The following ADK variants were observed in gnomAD, a reference collection of about 807,000 sequenced individuals.
ADK encodes the protein N6,N6-dimethyladenosine kinase.
A neutral mutation model predicts 44.7 loss-of-function variants in ADK; 24 were observed. That is an observed-to-expected ratio of 0.54 (90% confidence interval 0.39 to 0.76). The LOEUF (loss-of-function observed/expected upper bound fraction) is 0.76. Among genes scored for constraint, ADK ranks in the 30% least tolerant of loss-of-function variants. The pLI is 0.00. For missense variants in ADK, 321 were observed against 425.1 expected (o/e 0.76, Z 2.15); for synonymous variants, 128 against 142.6 (o/e 0.90, Z 0.73).
intron 10 of ADK, among the ~76,000 whole-genome samples, chr10:74,684,764 CCT>C (rs1223283556): frequency 3.9e-5 from 6 of 152,002 alleles, no homozygotes; most frequent in Admixed American, 6.6e-5. Context: ...AAAACAAAGC[CCT>C]GTTTCAAAAA....
At chr10:74,699,629 A>G (rs1014277991) in intron 10 of ADK, among the ~76,000 whole-genome samples, 3 of 152,214 alleles carry the variant, frequency 2.0e-5, no homozygotes, top group Non-Finnish European at 4.4e-5. Context: ...GTGAGCCAAG[A>G]TCACACCAGT....
intron 4 of ADK, among the ~76,000 whole-genome samples, chr10:74,381,124 G>A (rs1842965489): frequency 6.6e-6 from 1 of 151,896 alleles, no homozygotes. Context: ...TCTTTGTCAA[G>A]TTAAAAAAAA....
At chr10:74,218,967 G>A (rs2132222950) in intron 2 of ADK, among the ~76,000 whole-genome samples, 1 of 152,016 alleles carries the variant, frequency 6.6e-6, no homozygotes, top group Admixed American at 6.6e-5. Context: ...CAACTAACGA[G>A]CAAAATAACC....
intron 4 of ADK, among the ~76,000 whole-genome samples, chr10:74,368,413 T>G (rs1305272117): frequency 6.6e-6 from 1 of 152,150 alleles, no homozygotes; most frequent in East Asian, 1.9e-4. Flanking sequence ...CCAGCTATAG[T>G]TAACCTTTTG....
chr10:74,164,409 G>A (rs919101007), intron 1 of ADK, among the ~76,000 whole-genome samples: 18 of 152,080 alleles, frequency 1.2e-4, no homozygotes, highest in Non-Finnish European at 1.8e-4. Flanking sequence ...GGTGGTGGGC[G>A]CCTGTAATCC....
intron 1 of ADK, among the ~76,000 whole-genome samples, chr10:74,198,578 G>A (rs1022967935): frequency 4.6e-5 from 7 of 152,160 alleles, no homozygotes; most frequent in Admixed American, 2.6e-4. Context: ...TGAAAGGGAG[G>A]GGGAATCATC....
intron 7 of ADK, among the ~76,000 whole-genome samples, chr10:74,547,480 TATTA>T (rs1234869945): frequency 4.2e-5 from 5 of 119,744 alleles, no homozygotes; most frequent in African/African-American, 1.4e-4. Flanking sequence ...ATTTTTATTT[TATTA>T]TTTTTTTTTT....
At chr10:74,414,852 AG>A (rs1844314559) in intron 6 of ADK, among the ~76,000 whole-genome samples, 2 of 152,366 alleles carry the variant, frequency 1.3e-5, no homozygotes, top group Non-Finnish European at 2.9e-5. Flanking sequence ...TTATACAGAA[AG>A]ACTTTCTCCA....
intron 9 of ADK, among the ~76,000 whole-genome samples, chr10:74,634,460 C>T (rs1031185056): frequency 4.6e-5 from 7 of 152,138 alleles, no homozygotes; most frequent in African/African-American, 1.4e-4. Flanking sequence ...CCTCGGGATC[C>T]GCCCGGCCTC....
chr10:74,545,401 C>T (rs1427254267), intron 7 of ADK, among the ~76,000 whole-genome samples: 6 of 152,138 alleles, frequency 3.9e-5, no homozygotes, highest in Non-Finnish European at 8.8e-5. Flanking sequence ...TACCCTTATA[C>T]TAATTTAACA....
chr10:74,586,854 C>CAAAAAAAAAAAAAAAAAAAAA (rs35038709), intron 7 of ADK, among the ~76,000 whole-genome samples: 1 of 106,500 alleles, frequency 9.4e-6, no homozygotes. Context: ...AGCTCTGTCT[C>CAAAAAAAAAAAAAAAAAAAAA]AAAAAAAAAA....
intron 10 of ADK, among the ~76,000 whole-genome samples, chr10:74,695,878 G>A (rs1379619740): frequency 1.3e-5 from 2 of 151,808 alleles, no homozygotes; most frequent in African/African-American, 2.4e-5. Flanking sequence ...GGGCTTAAGC[G>A]ACCTGCCCAC....
rs180741103 is a variant in ADK at position 74,311,907 on chromosome 10, C to T, written c.195-2760C>T. On this transcript the variant is annotated intron_variant, in intron 3 of 10. Coordinates refer to ENST00000539909, the MANE Select transcript of ADK (RefSeq NM_006721.4). ...GTTGGGCTGGGCATGGTGGCTCACA[C>T]CTGTAATACCAGCACTTTGGGAGTC... is the stretch of plus-strand genomic sequence containing the variant. Among the ~76,000 whole-genome samples the T allele has an allele frequency of 3.7e-3, 556 of 152,272 alleles. 3 individuals are homozygous for T. The highest frequency in any genetic ancestry group is 7.5e-3 in the Admixed American group (114 of 15,296).
rs61859833 is a variant in ADK, at chr10:74,599,352, G to A, written c.763-1027G>A. On this transcript the variant is annotated intron_variant, in intron 8 of 10. Transcript: ENST00000539909. Reference sequence around the variant, plus strand: ...CCCTTTAAAAATGCCAGTTTCTGGTGACGTTTGTAACGATTGCAAACCATT... The same window carrying A: ...CCCTTTAAAAATGCCAGTTTCTGGTAACGTTTGTAACGATTGCAAACCATT... Among the ~76,000 whole-genome samples, 991 of 152,310 alleles carry A rather than the reference G, an allele frequency of 6.5e-3. 5 individuals carry two copies. Among genetic ancestry groups the A allele is most frequent in the African/African-American group, 0.014 (576 of 41,572 alleles).
intron 3 of ADK, among the ~76,000 whole-genome samples, chr10:74,243,323 C>T (rs1281157348): frequency 6.6e-6 from 1 of 152,166 alleles, no homozygotes; most frequent in Non-Finnish European, 1.5e-5. Flanking sequence ...AGCGCTGTGG[C>T]GTGAGTAAAC....
At chr10:74,638,330 A>G (rs1000356047) in intron 9 of ADK, among the ~76,000 whole-genome samples, 1 of 152,212 alleles carries the variant, frequency 6.6e-6, no homozygotes. Flanking sequence ...AGAAAGATCA[A>G]TATCTTACAT....
At chr10:74,645,069 C>T (rs940713866) in intron 9 of ADK, among the ~76,000 whole-genome samples, 2 of 152,152 alleles carry the variant, frequency 1.3e-5, no homozygotes, top group Non-Finnish European at 2.9e-5. Context: ...TTTTCTGTAT[C>T]AGCTTGTCTA....
intron 1 of ADK, among the ~76,000 whole-genome samples, chr10:74,185,790 T>G (rs1385363391): frequency 1.5e-5 from 2 of 134,604 alleles, no homozygotes; most frequent in Non-Finnish European, 3.1e-5. Flanking sequence ...TGAGCCGAGA[T>G]CGTGCCAGTG....
chr10:74,609,885 G>A (rs1589294895), intron 9 of ADK, among the ~76,000 whole-genome samples: 1 of 151,578 alleles, frequency 6.6e-6, no homozygotes. Flanking sequence ...AGTATTTTCC[G>A]CTCACCCTGT....
Sources: gnomAD v4.1 joint callset for allele counts (sites outside exome capture counted in the v4.1 genomes callset) on GRCh38, gnomAD v4.1.1 for gene constraint, MANE v1.5 for transcripts, NCBI Gene and HGNC (gene_info 2026-07-23, HGNC 2026-07-21) for gene names.